DNMT3A: variants seen among roughly 807,000 people sequenced by gnomAD.
The protein encoded by DNMT3A is DNA (cytosine-5)-methyltransferase 3A.
DNMT3A carries 267 observed loss-of-function variants against 117.6 expected under a neutral mutation model. The observed-to-expected ratio is 2.27, with a 90% CI of 2.05 to 2.51. The LOEUF (loss-of-function observed/expected upper bound fraction) is 2.51. DNMT3A is among the 30% of genes most tolerant of loss of function. The pLI is 0.00. For synonymous variants in DNMT3A, 432 were observed against 474.8 expected (o/e 0.91, Z 1.17); for missense variants, 1,029 against 1,260.2 (o/e 0.82, Z 2.78).
chr2:25,324,592 T>A (rs980049812), intron 1 of DNMT3A, among the ~76,000 whole-genome samples: 3 of 152,106 alleles, frequency 2.0e-5, no homozygotes, highest in African/African-American at 7.2e-5. Flanking sequence ...CAGCAGAGTA[T>A]CTTGTGCCCC....
In DNMT3A at chr2:25,304,067, A is replaced by C. The variant is rs2033661995; in HGVS notation, c.73-3824T>G. The stretch of plus-strand genomic sequence containing the variant: ...CGTGGTGACATGGGACAGCTGAAGA[A>C]CAGTAACACAGTTCGCGGGAACAGA... On this transcript the variant is annotated intron_variant, in intron 2 of 22. Coordinates refer to ENST00000321117, the MANE Select transcript of DNMT3A (RefSeq NM_022552.5). This position sits in a 1 kb window ranked among gnomAD's most constrained non-coding sequence, Gnocchi z 4.3. 6.6e-6 allele frequency among the ~76,000 whole-genome samples: 1 copy of C among 152,192 alleles called. No individual in the cohort carries two copies. Among genetic ancestry groups the C allele is most frequent in the South Asian group, 2.1e-4 (1 of 4,830 alleles).
intron 3 of DNMT3A, among the ~76,000 whole-genome samples, chr2:25,285,818 G>A (rs555430992): frequency 5.8e-4 from 88 of 152,308 alleles, no homozygotes; most frequent in African/African-American, 2.0e-3. Context: ...AACCCTGTCT[G>A]TCACCCTTCA....
rs547676868 is a variant in DNMT3A, at chr2:25,263,976, C to A, written c.639+10965G>T. ...CACAATTCATTCATTTACCTACCAA[C>A]CTCTCACAGGGGAGGGTAGAATTCT... is the stretch of plus-strand genomic sequence containing the variant. On this transcript the variant is annotated intron_variant, in intron 6 of 22. Transcript: ENST00000321117. Among the ~76,000 whole-genome samples, 9 of 152,272 alleles carry A rather than the reference C, an allele frequency of 5.9e-5. No individual in the cohort carries two copies. In the East Asian group the frequency reaches 1.7e-3, roughly 29 times the overall value.
chr2:25,316,485 A>G (rs2034386836), intron 1 of DNMT3A, among the ~76,000 whole-genome samples: 1 of 152,184 alleles, frequency 6.6e-6, no homozygotes, highest in Non-Finnish European at 1.5e-5. Flanking sequence ...GTCCCTCAAA[A>G]TCGTGTCCAT....
chr2:25,246,955 T>A, intron 9 of DNMT3A, 96 bp downstream of exon 9: 1 of 1,483,694 alleles, frequency 6.7e-7, no homozygotes, highest in Non-Finnish European at 9.2e-7. Flanking sequence ...CGCTGCCTCC[T>A]GGGCCTCCGT....
At chr2:25,265,042 A>T (rs1001972089) in intron 6 of DNMT3A, among the ~76,000 whole-genome samples, 3 of 152,268 alleles carry the variant, frequency 2.0e-5, no homozygotes, top group African/African-American at 7.2e-5. Flanking sequence ...AAGGAGGGGC[A>T]GAAGCTGAGA....
At position 25,233,603 on chromosome 2, in the gene DNMT3A, CCTG is replaced by C. The variant is rs1421364153; in HGVS notation, c.*673_*675del. The C allele has an allele frequency of 3.2e-4, 75 of 233,008 alleles. No homozygotes were observed. The highest frequency in any genetic ancestry group is 1.1e-4 in the Admixed American group (2 of 17,684). The allele number at this position is 233,008 out of a possible 1,614,324, so 14.4% of individuals were successfully genotyped here. On this transcript the variant is annotated 3_prime_UTR_variant, in exon 23 of 23. Coordinates refer to ENST00000321117, the MANE Select transcript of DNMT3A (RefSeq NM_022552.5). The stretch of plus-strand genomic sequence containing the variant: ...ATGTCTTGTGTGGTGTTCTCGTCTC[CCTG>C]CTGCTAACTGGGTTCTGTTTTGCGT...
chr2:25,319,773 CTT>C (rs1351746396), intron 1 of DNMT3A, among the ~76,000 whole-genome samples: 18 of 144,216 alleles, frequency 1.2e-4, no homozygotes, highest in Non-Finnish European at 1.4e-4. Flanking sequence ...TTCTTTCTTT[CTT>C]TTTTTTTTTT....
In DNMT3A at chr2:25,243,960, G is replaced by C; in HGVS notation, c.1874C>G (p.Pro625Arg). The change falls in exon 16 of 23, where the codon CCT (proline) becomes CGT (arginine). Residue 625 changes from proline to arginine, a missense_variant. Coordinates refer to ENST00000321117, the MANE Select transcript of DNMT3A (RefSeq NM_022552.5). Reference sequence around the variant, plus strand: ...GGGCTTCCTCTTCTCAGCTGGGACAGGTGGGTAAACCTTTGGAGGGTCCTA... The same window carrying C: ...GGGCTTCCTCTTCTCAGCTGGGACACGTGGGTAAACCTTTGGAGGGTCCTA... ...QEFDPPKVYP[P>R]VPAEKRKPIR... 1 of 1,553,566 alleles carries C rather than the reference G, an allele frequency of 6.4e-7. No homozygotes were observed. Among genetic ancestry groups the C allele is most frequent in the Non-Finnish European group, 8.7e-7 (1 of 1,147,886 alleles).
In DNMT3A at chr2:25,252,380, C is replaced by T. The variant is rs1055867102; in HGVS notation, c.640-4128G>A. On this transcript the variant is annotated intron_variant, in intron 6 of 22. Coordinates refer to ENST00000321117, the MANE Select transcript of DNMT3A (RefSeq NM_022552.5). This position sits in a 1 kb window ranked among gnomAD's most constrained non-coding sequence, Gnocchi z 5.5. Reference sequence around the variant, plus strand: ...GGAACATTTTCTTTGTCTAGGACTCCAGGTCACGTGGGCCCCGCTGGAGGG... The same window carrying T: ...GGAACATTTTCTTTGTCTAGGACTCTAGGTCACGTGGGCCCCGCTGGAGGG... 6 of 625,474 alleles carry T rather than the reference C, an allele frequency of 9.6e-6. No individual in the cohort carries two copies. The East Asian group carries it at 1.8e-4, about 18-fold the overall frequency. 38.7% of individuals were successfully genotyped at this position (625,474 alleles called of 1,614,324 possible). A position where few individuals can be genotyped will look rare whatever the true frequency, so the allele number is the denominator to read the frequency against.
In DNMT3A at chr2:25,233,757, T is replaced by G. The variant is rs1573289791; in HGVS notation, c.*522A>C. 9.4e-6 allele frequency: 1 copy of G among 106,854 alleles called. No homozygotes were observed. The highest frequency in any genetic ancestry group is 9.2e-5 in the East Asian group (1 of 10,926). The allele number at this position is 106,854 out of a possible 1,614,324, so 6.6% of individuals were successfully genotyped here. On this transcript the variant is annotated 3_prime_UTR_variant, in exon 23 of 23. Coordinates refer to ENST00000321117, the MANE Select transcript of DNMT3A (RefSeq NM_022552.5). The stretch of plus-strand genomic sequence containing the variant: ...CAGGCTAGAGACAACAAAAAAAAGA[T>G]ATATAGTAAAAAAAAAAACCCAAAA...
Position 25,234,120 on chromosome 2 carries a change from C to T in DNMT3A, c.*159G>A, listed in dbSNP as rs1673049613. 4 of 1,154,056 alleles carry T rather than the reference C, an allele frequency of 3.5e-6. No individual in the cohort carries two copies. The highest frequency in any genetic ancestry group is 4.7e-6 in the Non-Finnish European group (4 of 859,562). 71.5% of individuals were successfully genotyped at this position (1,154,056 alleles called of 1,614,324 possible). On this transcript the variant is annotated 3_prime_UTR_variant, in exon 23 of 23. Transcript: ENST00000321117. This position sits in a 1 kb window ranked among gnomAD's most constrained non-coding sequence, Gnocchi z 4.5. ...ACCCTTTTCGCAAGGCAAAGCCCTCCGGTATTTCCGCCTCTGTGGTTTTTG... is the reference window on the plus strand; with the variant it reads ...ACCCTTTTCGCAAGGCAAAGCCCTCTGGTATTTCCGCCTCTGTGGTTTTTG...
Position 25,281,844 on chromosome 2 carries a change from C to T in DNMT3A, c.448+597G>A. ...CCTGGGCTGGGCAGTACACAGAATA[C>T]AATCACCCAGCCCTCTCCCCACGCC... On this transcript the variant is annotated intron_variant, in intron 4 of 22. Transcript: ENST00000321117. The surrounding 1 kb of genome is among the most constrained non-coding windows in gnomAD (Gnocchi z 4.8). 9.4e-7 allele frequency: 1 copy of T among 1,068,194 alleles called. No homozygotes were observed. Among genetic ancestry groups the T allele is most frequent in the South Asian group, 4.5e-5 (1 of 22,140 alleles). The allele number at this position is 1,068,194 out of a possible 1,614,324, so 66.2% of individuals were successfully genotyped here.
Position 25,296,105 on chromosome 2 carries a change from C to T in DNMT3A, c.177+4034G>A, listed in dbSNP as rs1199434592. ...ATAGTTATACTCAGTTCTGTACCGA[C>T]AGGTGACAACAAATGCTTCTCAAAG... On this transcript the variant is annotated intron_variant, in intron 3 of 22. Transcript: ENST00000321117. This position sits in a 1 kb window ranked among gnomAD's most constrained non-coding sequence, Gnocchi z 4.2. 6.6e-6 allele frequency among the ~76,000 whole-genome samples: 1 copy of T among 152,230 alleles called. No individual in the cohort carries two copies. Among genetic ancestry groups the T allele is most frequent in the Admixed American group, 6.5e-5 (1 of 15,286 alleles).
rs560298048 is a variant in DNMT3A, at chr2:25,247,844, G to A, written c.856-95C>T. 3.3e-4 allele frequency: 513 copies of A among 1,556,934 alleles called. 1 individual carries two copies. The South Asian group carries it at 5.0e-3, about 15-fold the overall frequency. Reference sequence around the variant, plus strand: ...CAACCCCAGCCCTGGGCATCTGGGGGGCAGGACAGCCAGGAGGGAGCTCCA... The same window carrying A: ...CAACCCCAGCCCTGGGCATCTGGGGAGCAGGACAGCCAGGAGGGAGCTCCA... On this transcript the variant is annotated intron_variant, in intron 7 of 22. Coordinates refer to ENST00000321117, the MANE Select transcript of DNMT3A (RefSeq NM_022552.5). This position sits in a 1 kb window ranked among gnomAD's most constrained non-coding sequence, Gnocchi z 5.6.
Position 25,313,895 on chromosome 2 carries a change from G to A in DNMT3A, c.72+18C>T. ...CCTCTCCCAGGCCAGAGGGTCCCCA[G>A]CAGAGCCCGCTGCTCACCTTTCGGT... On this transcript the variant is annotated intron_variant, in intron 2 of 22. Transcript: ENST00000321117. 6.5e-7 allele frequency: 1 copy of A among 1,549,046 alleles called. No homozygotes were observed.
rs149327116 is a variant in DNMT3A, at chr2:25,230,041, A to C, written c.*4238T>G. ...CAATCCACACTCCTGCAATGCGCCAAAAATCACACAGGCATCTCTACCAGT... is the reference window on the plus strand; with the variant it reads ...CAATCCACACTCCTGCAATGCGCCACAAATCACACAGGCATCTCTACCAGT... On this transcript the variant is annotated 3_prime_UTR_variant, in exon 23 of 23. Coordinates refer to ENST00000321117, the MANE Select transcript of DNMT3A (RefSeq NM_022552.5). The C allele has an allele frequency of 6.4e-4, 98 of 152,358 alleles. No individual in the cohort carries two copies. Among genetic ancestry groups the C allele is most frequent in the African/African-American group, 2.2e-3 (90 of 41,542 alleles). The allele number at this position is 152,358 out of a possible 1,614,324, so 9.4% of individuals were successfully genotyped here.
At chr2:25,272,224 T>C (rs1170571550) in intron 6 of DNMT3A, among the ~76,000 whole-genome samples, 2 of 152,214 alleles carry the variant, frequency 1.3e-5, no homozygotes, top group African/African-American at 4.8e-5. Flanking sequence ...TGACCTAAGG[T>C]GATCCACCCG....
rs1672791183 is a variant in DNMT3A, at chr2:25,229,516, C to G, written c.*4763G>C. 1 of 152,246 alleles carries G rather than the reference C, an allele frequency of 6.6e-6. No homozygotes were observed. Among genetic ancestry groups the G allele is most frequent in the Non-Finnish European group, 1.5e-5 (1 of 68,068 alleles). The allele number at this position is 152,246 out of a possible 1,614,324, so 9.4% of individuals were successfully genotyped here. A position where few individuals can be genotyped will look rare whatever the true frequency, so the allele number is the denominator to read the frequency against. On this transcript the variant is annotated 3_prime_UTR_variant, in exon 23 of 23. Coordinates refer to ENST00000321117, the MANE Select transcript of DNMT3A (RefSeq NM_022552.5). Reference sequence around the variant, plus strand: ...AGCGTGGAGAATACGCAATGACAAACTCAGATTACTCACCTCCCGGGACCA... The same window carrying G: ...AGCGTGGAGAATACGCAATGACAAAGTCAGATTACTCACCTCCCGGGACCA...
Sources: allele counts gnomAD v4.1 joint callset (sites outside exome capture counted in the v4.1 genomes callset), GRCh38; gene constraint gnomAD v4.1.1; non-coding constraint Gnocchi (gnomAD v3.1); transcripts MANE v1.5; gene names NCBI Gene and HGNC (gene_info 2026-07-23, HGNC 2026-07-21).